Variants in ABCA4 observed in about 807,000 individuals in gnomAD.
The protein encoded by ABCA4 is ATP binding cassette subfamily A member 4.
In ABCA4, 196 loss-of-function variants were observed where a neutral mutation model predicts 263.7. That is an observed-to-expected ratio of 0.74 (90% CI 0.66 to 0.84). The LOEUF is 0.84. Ranked by LOEUF, ABCA4 falls within the 40% of genes least tolerant of loss-of-function variation. The pLI, the probability that ABCA4 is intolerant of heterozygous loss-of-function variation, is 0.00. For missense variants in ABCA4, 2,792 were observed against 2,855.1 expected (o/e 0.98, Z 0.50); for synonymous variants, 1,133 against 1,094.2 (o/e 1.04, Z -0.70).
chr1:94,111,696 T>G (rs1396105712), intron 2 of ABCA4, 117 bp from the exon 3 acceptor site: 1 of 1,230,482 alleles, frequency 8.1e-7, no homozygotes, highest in East Asian at 2.3e-5. Context: ...CCTCCTTCAT[T>G]CTCAGCATTT....
rs2101111376 is a variant in ABCA4, at chr1:94,083,340, C to G, written c.858+12G>C. ...ATAATGAAATTATAATTACTACCAT[C>G]AGGCTACTCACCTCTTGAATTCTTG... On this transcript the variant is annotated intron_variant, in intron 7 of 49. Transcript: ENST00000370225. 6.4e-7 allele frequency: 1 copy of G among 1,573,828 alleles called. No individual in the cohort carries two copies. The highest frequency in any genetic ancestry group is 8.7e-7 in the Non-Finnish European group (1 of 1,144,376).
chr1:94,078,883 C>T (rs1287399062), intron 9 of ABCA4, among the ~76,000 whole-genome samples, 177 bp from the exon 10 acceptor site: 3 of 152,162 alleles, frequency 2.0e-5, no homozygotes, highest in Non-Finnish European at 4.4e-5. Flanking sequence ...CTCCCAACTT[C>T]CTGGGCTGAC....
At chr1:94,044,391 A>G (rs1449963873) in intron 20 of ABCA4, among the ~76,000 whole-genome samples, 3 of 152,154 alleles carry the variant, frequency 2.0e-5, no homozygotes, top group African/African-American at 7.2e-5. Context: ...CTTCTGAGGG[A>G]GGAGCCCTCA....
Position 94,062,593 on chromosome 1 carries a change from A to T in ABCA4, c.1921T>A (p.Cys641Ser). 2 of 1,613,698 alleles carry T rather than the reference A, an allele frequency of 1.2e-6. No individual in the cohort carries two copies. Among genetic ancestry groups the T allele is most frequent in the Non-Finnish European group, 1.7e-6 (2 of 1,179,846 alleles). ...GIYLQQMPYP[C>S]FVDDSFMIIL... The stretch of plus-strand genomic sequence containing the variant: ...CAGACTCACGAATCGTCCACGAAGC[A>T]GGGGTAGGGCATCTGCTGGAGGTAG... The change falls in exon 13 of 50, where the codon TGC (cysteine) becomes AGC (serine). Residue 641 changes from cysteine to serine, a missense_variant. Coordinates refer to ENST00000370225, the MANE Select transcript of ABCA4 (RefSeq NM_000350.3).
chr1:94,043,094 A>G (rs781521350), intron 21 of ABCA4, among the ~76,000 whole-genome samples, 196 bp from the exon 22 acceptor site: 14 of 152,346 alleles, frequency 9.2e-5, no homozygotes, highest in Non-Finnish European at 1.5e-4. Flanking sequence ...ACCTCCTCGG[A>G]TCAGACCCTT....
intron 30 of ABCA4, chr1:94,025,423 T>C: frequency 2.7e-6 from 1 of 376,210 alleles, no homozygotes; most frequent in East Asian, 6.0e-5. Context: ...AGCAGCCAGC[T>C]TGAACTATAA....
chr1:94,074,513 G>C (rs4847274), intron 11 of ABCA4, among the ~76,000 whole-genome samples: 80,111 of 152,072 alleles, frequency 0.53, 21,849 homozygotes, highest in East Asian at 0.77. Context: ...ATTGAAAAAT[G>C]GATCTAATTA....
At chr1:94,095,557 C>A (rs560600826) in intron 6 of ABCA4, among the ~76,000 whole-genome samples, 1 of 152,142 alleles carries the variant, frequency 6.6e-6, no homozygotes, top group Non-Finnish European at 1.5e-5. Flanking sequence ...CAATAACAGC[C>A]GCGTCCCAGC....
intron 45 of ABCA4, chr1:94,001,574 G>A (rs1659183845): frequency 3.3e-6 from 2 of 611,734 alleles, no homozygotes; most frequent in Non-Finnish European, 6.1e-6. Flanking sequence ...AGGCCGCAGA[G>A]TGGGCTGAAC....
Position 94,001,850 on chromosome 1 carries a change from G to T in ABCA4, c.6282+8C>A. 1.2e-6 allele frequency: 2 copies of T among 1,614,184 alleles called. No homozygotes were observed. Among genetic ancestry groups the T allele is most frequent in the Non-Finnish European group, 1.7e-6 (2 of 1,180,032 alleles). Reference sequence around the variant, plus strand: ...TAAGCCCTTGGTGCGGCCCAAGCCCGCAGTTACCAGCAGCACCAGCGGTGG... The same window carrying T: ...TAAGCCCTTGGTGCGGCCCAAGCCCTCAGTTACCAGCAGCACCAGCGGTGG... On this transcript the variant is annotated splice_region_variant and intron_variant, in intron 45 of 49. Transcript: ENST00000370225.
In ABCA4 at chr1:94,060,549, C is replaced by T. The variant is rs1201817272; in HGVS notation, c.2148G>A (p.Thr716=). ...CCATTTGGCTTACCATGATGAATATCGTCAGGAGGAAGATGCTCATCGACA... is the reference window on the plus strand; with the variant it reads ...CCATTTGGCTTACCATGATGAATATTGTCAGGAGGAAGATGCTCATCGACA... The part of the protein sequence containing the change: ...SIMSMSIFLL[T]IFIMHGRILH... Residue 716 remains threonine, a synonymous_variant, in exon 14 of 50, where the codon ACG becomes ACA. Coordinates refer to ENST00000370225, the MANE Select transcript of ABCA4 (RefSeq NM_000350.3). 18 of 1,613,780 alleles carry T rather than the reference C, an allele frequency of 1.1e-5. No individual in the cohort carries two copies. Among genetic ancestry groups the T allele is most frequent in the South Asian group, 1.1e-4 (10 of 91,082 alleles).
intron 38 of ABCA4, 42 bp downstream of exon 38, chr1:94,014,501 A>G: frequency 6.2e-7 from 1 of 1,608,172 alleles, no homozygotes. Flanking sequence ...ATACTCTACT[A>G]TCCTACTAAT....
chr1:94,032,599 C>T (rs1356240448), intron 26 of ABCA4, among the ~76,000 whole-genome samples: 1 of 152,200 alleles, frequency 6.6e-6, no homozygotes, highest in Non-Finnish European at 1.5e-5. Context: ...TGCAAGACTG[C>T]ACTCCAGCCT....
intron 38 of ABCA4, among the ~76,000 whole-genome samples, chr1:94,014,282 G>A (rs1482050156): frequency 6.7e-6 from 1 of 149,412 alleles, no homozygotes; most frequent in Non-Finnish European, 1.5e-5. Context: ...AAGGAGGGAC[G>A]AAGGAAGGAA....
At chr1:94,071,424 A>G (rs1661395771) in intron 11 of ABCA4, among the ~76,000 whole-genome samples, 1 of 152,218 alleles carries the variant, frequency 6.6e-6, no homozygotes, top group South Asian at 2.1e-4. Context: ...TAATTTATCC[A>G]GAGAATACTT....
At chr1:94,101,953 G>A (rs1051293011) in intron 5 of ABCA4, among the ~76,000 whole-genome samples, 9 of 152,182 alleles carry the variant, frequency 5.9e-5, no homozygotes, top group African/African-American at 1.9e-4. Flanking sequence ...CCCAGGCATC[G>A]CTGATGCTGC....
chr1:94,022,232 C>T (rs2101024660), intron 32 of ABCA4, among the ~76,000 whole-genome samples: 1 of 152,356 alleles, frequency 6.6e-6, no homozygotes, highest in African/African-American at 2.4e-5. Context: ...GTGGCCTATT[C>T]TGGACATATC....
At chr1:94,006,973 C>T (rs1273939018) in intron 43 of ABCA4, among the ~76,000 whole-genome samples, 1 of 152,210 alleles carries the variant, frequency 6.6e-6, no homozygotes, top group African/African-American at 2.4e-5. Flanking sequence ...CATAGGGGAC[C>T]AGTCTGTTTA....
intron 17 of ABCA4, among the ~76,000 whole-genome samples, chr1:94,049,293 A>G (rs1660771922): frequency 6.6e-6 from 1 of 152,188 alleles, no homozygotes; most frequent in African/African-American, 2.4e-5. Context: ...TTTTACTCCA[A>G]TACAAAACAT....
Sources: allele counts gnomAD v4.1 joint callset (sites outside exome capture counted in the v4.1 genomes callset), GRCh38; gene constraint gnomAD v4.1.1; transcripts MANE v1.5; gene names NCBI Gene and HGNC (gene_info 2026-07-23, HGNC 2026-07-21).